Variants in SLBP observed in about 807,000 individuals in gnomAD.
SLBP encodes the protein stem-loop histone mRNA binding protein.
In SLBP, 29 loss-of-function variants were observed where a neutral mutation model predicts 39.2. The ratio of observed to expected loss-of-function variants is 0.74; its 90% CI spans 0.55 to 1.01. The LOEUF (loss-of-function observed/expected upper bound fraction) is 1.01, where lower values mean the gene tolerates loss of function less well. Among genes scored for constraint, SLBP ranks in the 50% least tolerant of loss-of-function variants. SLBP has a pLI of 0.00. For missense variants in SLBP, 390 were observed against 350.2 expected, an observed-to-expected ratio of 1.11 and a Z score of -0.91; for synonymous variants, 129 against 118.7, an observed-to-expected ratio of 1.09 and a Z score of -0.57.
intron 7 of SLBP, among the ~76,000 whole-genome samples, chr4:1,694,035 G>C (rs1409573331): frequency 6.6e-6 from 1 of 152,200 alleles, no homozygotes; most frequent in East Asian, 1.9e-4. Context: ...ACCACAAATA[G>C]TGGCTGTCTC....
chr4:1,696,092 A>G (rs1577176951), intron 6 of SLBP, 110 bp downstream of exon 6: 2 of 919,260 alleles, frequency 2.2e-6, no homozygotes, highest in East Asian at 5.9e-5. Context: ...TCTGCTCCCC[A>G]ACAGCTGCTG....
chr4:1,699,723 A>C (rs1236715735), intron 4 of SLBP, 22 bp from the exon 5 acceptor site: 2 of 1,610,358 alleles, frequency 1.2e-6, no homozygotes, highest in East Asian at 2.2e-5. Flanking sequence ...ACAGATTAAC[A>C]GAATAAGCCC....
At position 1,695,482 on chromosome 4, in the gene SLBP, G is replaced by T. The variant is rs546877326; in HGVS notation, c.630-642C>A. Among the ~76,000 whole-genome samples the T allele has an allele frequency of 2.0e-5, 3 of 152,284 alleles. No homozygotes were observed. The South Asian group carries it at 6.2e-4, about 32-fold the overall frequency. The stretch of plus-strand genomic sequence containing the variant: ...TGATGCAGCAAAAGTTCAGGCCTGA[G>T]ACATTTCAACTAGGCACAAGTTTAA... On this transcript the variant is annotated intron_variant, in intron 6 of 7. Transcript: ENST00000489418.
chr4:1,700,260 T>C (rs1228759049), intron 3 of SLBP, among the ~76,000 whole-genome samples, 190 bp from the exon 4 acceptor site: 1 of 152,126 alleles, frequency 6.6e-6, no homozygotes, highest in African/African-American at 2.4e-5. Context: ...TTACATTCCC[T>C]AAAACTTGGC....
chr4:1,712,051 C>A, intron 1 of SLBP, 61 bp from the exon 2 acceptor site: 3 of 1,236,096 alleles, frequency 2.4e-6, no homozygotes, highest in Non-Finnish European at 3.0e-6. Context: ...ACAACCTCCG[C>A]CCTCCCACAC....
chr4:1,695,600 G>A (rs1450168265), intron 6 of SLBP, among the ~76,000 whole-genome samples: 1 of 152,096 alleles, frequency 6.6e-6, no homozygotes, highest in Admixed American at 6.6e-5. Flanking sequence ...GAATTACATG[G>A]TGAAACCCCG....
At chr4:1,700,903 CCTCCT>C (rs1253843852) in intron 3 of SLBP, among the ~76,000 whole-genome samples, 1 of 151,932 alleles carries the variant, frequency 6.6e-6, no homozygotes, top group African/African-American at 2.4e-5. Context: ...TATTACTGTG[CCTCCT>C]CTCAAAATCT....
At chr4:1,701,982 GCT>G (rs1353658444) in intron 3 of SLBP, among the ~76,000 whole-genome samples, 1 of 152,116 alleles carries the variant, frequency 6.6e-6, no homozygotes, top group Non-Finnish European at 1.5e-5. Context: ...CCCAAACAGT[GCT>G]GTTTTCCAAA....
intron 6 of SLBP, among the ~76,000 whole-genome samples, chr4:1,695,590 G>A (rs544584734): frequency 1.4e-4 from 21 of 152,064 alleles, no homozygotes; most frequent in Non-Finnish European, 3.1e-4. Context: ...ACAAGGTCAG[G>A]AATTACATGG....
chr4:1,708,670 C>T (rs916267188), intron 2 of SLBP, among the ~76,000 whole-genome samples: 1 of 152,148 alleles, frequency 6.6e-6, no homozygotes, highest in Non-Finnish European at 1.5e-5. Context: ...TCTTTAAGTC[C>T]ATTTCTTAGA....
chr4:1,702,628 A>G (rs1260703633), intron 3 of SLBP, among the ~76,000 whole-genome samples: 2 of 152,172 alleles, frequency 1.3e-5, no homozygotes, highest in Admixed American at 1.3e-4. Flanking sequence ...GAGTTAGACA[A>G]CTCATCAAAA....
chr4:1,707,399 G>C (rs190365112), intron 2 of SLBP, among the ~76,000 whole-genome samples: 2 of 150,764 alleles, frequency 1.3e-5, no homozygotes, highest in South Asian at 2.1e-4. Context: ...CCAGCTACTC[G>C]GGAGGCTAAG....
intron 3 of SLBP, among the ~76,000 whole-genome samples, chr4:1,702,162 T>C (rs1391550613): frequency 6.6e-6 from 1 of 152,244 alleles, no homozygotes; most frequent in African/African-American, 2.4e-5. Flanking sequence ...AGAACTGTTC[T>C]AAGACTTGTG....
chr4:1,711,896 C>G lies in SLBP; in HGVS notation c.154G>C (p.Gly52Arg). 1 of 1,366,514 alleles carries G rather than the reference C, an allele frequency of 7.3e-7. No homozygotes were observed. The allele number at this position is 1,366,514 out of a possible 1,614,324, so 84.6% of individuals were successfully genotyped here. A position where few individuals can be genotyped will look rare whatever the true frequency, so the allele number is the denominator to read the frequency against. The change falls in exon 2 of 8, where the codon GGC becomes CGC. Residue 52 changes from glycine to arginine, a missense_variant. Transcript: ENST00000489418. The stretch of plus-strand genomic sequence containing the variant: ...CACCTCTCGGGTCTGCGCTCGGCGC[C>G]GCGGTGCTCTGCCTCCTCGGCGTCT... ...PEDAEEAEHR[G>R]AERRPESFTT...
Position 1,711,830 on chromosome 4 carries a change from G to T in SLBP, c.176+44C>A, listed in dbSNP as rs991735005. The T allele has an allele frequency of 2.2e-5, 25 of 1,121,460 alleles. No individual in the cohort carries two copies. The African/African-American group carries it at 2.9e-4, about 13-fold the overall frequency. The allele number at this position is 1,121,460 out of a possible 1,614,324, so 69.5% of individuals were successfully genotyped here. A position where few individuals can be genotyped will look rare whatever the true frequency, so the allele number is the denominator to read the frequency against. ...CGAGGTCCCTGGAGCCCGCGGCCTC[G>T]TCAAGGGCCCCACCGCGCCCCGACC... is the stretch of plus-strand genomic sequence containing the variant. On this transcript the variant is annotated intron_variant, in intron 2 of 7. Transcript: ENST00000489418.
chr4:1,706,383 T>C (rs867554102), intron 2 of SLBP, among the ~76,000 whole-genome samples: 1 of 152,232 alleles, frequency 6.6e-6, no homozygotes, highest in African/African-American at 2.4e-5. Flanking sequence ...ACAATGTGTA[T>C]GGAGGAGTAT....
intron 6 of SLBP, among the ~76,000 whole-genome samples, chr4:1,695,695 C>T (rs1038107214): frequency 1.3e-5 from 2 of 151,920 alleles, no homozygotes; most frequent in Non-Finnish European, 2.9e-5. Context: ...GCAGGAGAAC[C>T]ACCTGAACCC....
chr4:1,711,685 CG>C (rs1716778491), intron 2 of SLBP, among the ~76,000 whole-genome samples, 188 bp downstream of exon 2: 1 of 152,228 alleles, frequency 6.6e-6, no homozygotes, highest in South Asian at 2.1e-4. Context: ...AAGAGGCTTC[CG>C]GAGTGTTCCA....
chr4:1,709,898 G>A (rs958220426), intron 2 of SLBP, among the ~76,000 whole-genome samples: 14 of 152,154 alleles, frequency 9.2e-5, no homozygotes, highest in African/African-American at 2.7e-4. Flanking sequence ...ATGAGCCACC[G>A]CGCCCGGCCT....
Sources: allele counts gnomAD v4.1 joint callset (sites outside exome capture counted in the v4.1 genomes callset), GRCh38; gene constraint gnomAD v4.1.1; transcripts MANE v1.5; gene names NCBI Gene and HGNC (gene_info 2026-07-23, HGNC 2026-07-21).